FAR2: variants seen among roughly 807,000 people sequenced by gnomAD.
FAR2 encodes fatty acyl-CoA reductase 2, also known as epididymis secretory protein Li 81.
In FAR2, 19 loss-of-function variants were observed where a neutral mutation model predicts 56.0. The ratio of observed to expected loss-of-function variants is 0.34; its 90% CI spans 0.24 to 0.50. The LOEUF (loss-of-function observed/expected upper bound fraction) is 0.50, where lower values mean the gene tolerates loss of function less well. Ranked by LOEUF, FAR2 falls within the 20% of genes least tolerant of loss-of-function variation. The probability of loss-of-function intolerance (pLI) is 0.98; values close to 1 mark genes in which losing one functional copy is unlikely to be tolerated. For missense variants in FAR2, 508 were observed against 642.2 expected, an observed-to-expected ratio of 0.79 and a Z score of 2.26; for synonymous variants, 219 against 218.8, an observed-to-expected ratio of 1.00 and a Z score of -0.01.
At chr12:29,297,990 T>A (rs912492205) in intron 4 of FAR2, among the ~76,000 whole-genome samples, 17 of 148,046 alleles carry the variant, frequency 1.1e-4, no homozygotes, top group African/African-American at 3.8e-4. Context: ...GAGCCGAGAT[T>A]GTGCCGTTGC....
chr12:29,251,489 T>C (rs760313604), intron 1 of FAR2, among the ~76,000 whole-genome samples: 1 of 152,126 alleles, frequency 6.6e-6, no homozygotes, highest in Non-Finnish European at 1.5e-5. Context: ...CCACTCAGAA[T>C]AGGAGGTCAG....
At chr12:29,251,470 T>C (rs1705132420) in intron 1 of FAR2, among the ~76,000 whole-genome samples, 1 of 152,162 alleles carries the variant, frequency 6.6e-6, no homozygotes, top group Admixed American at 6.5e-5. Context: ...TAAACATCAT[T>C]GTGGCCCTCC....
chr12:29,322,165 C>A (rs1016498932), intron 10 of FAR2, among the ~76,000 whole-genome samples: 2 of 152,212 alleles, frequency 1.3e-5, no homozygotes, highest in Non-Finnish European at 1.5e-5. Context: ...GATCTGCCAA[C>A]ATGTTTTATC....
chr12:29,327,293 A>T (rs202200973), intron 10 of FAR2, among the ~76,000 whole-genome samples: 4,811 of 152,340 alleles, frequency 0.032, 103 homozygotes, highest in South Asian at 0.069. Context: ...GCTCATGGGT[A>T]GGAAGAATCA....
intron 10 of FAR2, among the ~76,000 whole-genome samples, chr12:29,328,556 T>A (rs1372201126): frequency 6.6e-6 from 1 of 152,128 alleles, no homozygotes; most frequent in African/African-American, 2.4e-5. Context: ...CATGGAATAC[T>A]ATGCAACCAT....
intron 8 of FAR2, 71 bp downstream of exon 8, chr12:29,312,021 C>A: frequency 1.7e-6 from 2 of 1,155,934 alleles, no homozygotes; most frequent in South Asian, 1.4e-5. Context: ...CAAAGTGTGT[C>A]ATGGAGCTTA....
intron 10 of FAR2, among the ~76,000 whole-genome samples, chr12:29,324,343 A>C (rs931902513): frequency 3.3e-5 from 5 of 152,190 alleles, no homozygotes; most frequent in Admixed American, 2.6e-4. Flanking sequence ...TATCCAGGAG[A>C]ACTTCCCCAA....
chr12:29,291,282 C>CA (rs760705830), intron 2 of FAR2: 25 of 406,900 alleles, frequency 6.1e-5, no homozygotes, highest in Admixed American at 1.1e-4. Context: ...GTACCTGGAC[C>CA]ATCAGATCCA....
intron 1 of FAR2, among the ~76,000 whole-genome samples, chr12:29,256,521 G>T (rs950798116): frequency 6.6e-6 from 1 of 152,224 alleles, no homozygotes; most frequent in Non-Finnish European, 1.5e-5. Flanking sequence ...CACTTCCTCT[G>T]CCTGGGCTCC....
intron 2 of FAR2, among the ~76,000 whole-genome samples, chr12:29,286,335 T>C (rs748756089): frequency 1.3e-5 from 2 of 152,192 alleles, no homozygotes; most frequent in African/African-American, 2.4e-5. Context: ...ACAGCAAAAT[T>C]GGAATGCAGG....
In FAR2 at chr12:29,269,262, G is replaced by A. The variant is rs144931929; in HGVS notation, c.-38-1150G>A. On this transcript the variant is annotated intron_variant, in intron 1 of 11. Transcript: ENST00000536681. ...GGCGCGTATTCTCCTTCTCAGGGATGTTCTTTGCTGAGAAAAAGAATTCAG... is the reference window on the plus strand; with the variant it reads ...GGCGCGTATTCTCCTTCTCAGGGATATTCTTTGCTGAGAAAAAGAATTCAG... 9.2e-3 allele frequency among the ~76,000 whole-genome samples: 1,402 copies of A among 152,240 alleles called. 18 individuals carry two copies. The highest frequency in any genetic ancestry group is 0.032 in the African/African-American group (1,335 of 41,516).
Position 29,321,936 on chromosome 12 carries a change from A to G in FAR2, c.1257+12A>G. On this transcript the variant is annotated intron_variant, in intron 10 of 11. Transcript: ENST00000536681. ...CTGAAGACCAGAGAGTAAGTAGAGC[A>G]CTGACTTAAGCACCAGGAAAATGCT... is the stretch of plus-strand genomic sequence containing the variant. 6.2e-7 allele frequency: 1 copy of G among 1,606,948 alleles called. No individual in the cohort carries two copies. Among genetic ancestry groups the G allele is most frequent in the African/African-American group, 1.3e-5 (1 of 74,736 alleles).
At chr12:29,290,117 G>A (rs1055751766) in intron 2 of FAR2, among the ~76,000 whole-genome samples, 7 of 152,096 alleles carry the variant, frequency 4.6e-5, no homozygotes, top group Non-Finnish European at 7.4e-5. Context: ...CAACCACTAC[G>A]GAGAACAGTT....
At chr12:29,255,407 C>A (rs1948302598) in intron 1 of FAR2, among the ~76,000 whole-genome samples, 1 of 152,160 alleles carries the variant, frequency 6.6e-6, no homozygotes. Context: ...CAAATACTAT[C>A]ACACTGTAGG....
intron 1 of FAR2, among the ~76,000 whole-genome samples, chr12:29,170,167 G>A (rs779976464): frequency 3.3e-5 from 5 of 152,190 alleles, no homozygotes; most frequent in South Asian, 2.1e-4. Context: ...CAGACCAGTT[G>A]TTAGGCAATT....
intron 2 of FAR2, chr12:29,291,413 C>T (rs1469793840): frequency 2.2e-6 from 1 of 456,002 alleles, no homozygotes. Context: ...TTCATGCCTA[C>T]AGTTTGAAAG....
At chr12:29,332,945 A>G (rs1471278443) in intron 11 of FAR2, 4 of 615,952 alleles carry the variant, frequency 6.5e-6, no homozygotes, top group Admixed American at 2.2e-5. Flanking sequence ...TTTATGAGGC[A>G]GATATCTAGA....
chr12:29,196,376 G>C (rs146025004), intron 1 of FAR2, among the ~76,000 whole-genome samples: 7 of 152,036 alleles, frequency 4.6e-5, no homozygotes, highest in Non-Finnish European at 1.0e-4. Context: ...TTAAATAGTA[G>C]CCATTCTGAC....
At chr12:29,297,567 G>C (rs1949091927) in intron 4 of FAR2, among the ~76,000 whole-genome samples, 1 of 152,188 alleles carries the variant, frequency 6.6e-6, no homozygotes, top group Non-Finnish European at 1.5e-5. Context: ...AGACTGACGT[G>C]AGTTTGGCAT....
Sources: allele counts gnomAD v4.1 joint callset (sites outside exome capture counted in the v4.1 genomes callset), GRCh38; gene constraint gnomAD v4.1.1; transcripts MANE v1.5; gene names NCBI Gene and HGNC (gene_info 2026-07-23, HGNC 2026-07-21).